The following RHOT1 variants were observed in gnomAD, a reference collection of about 807,000 sequenced individuals.
RHOT1 encodes the protein ras homolog family member T1, also known as mitochondrial Rho GTPase 1.
Under a neutral mutation model 95.3 loss-of-function variants are expected in RHOT1, and 27 were observed. That is an observed-to-expected ratio of 0.28 (90% CI 0.21 to 0.39). The LOEUF (loss-of-function observed/expected upper bound fraction) is 0.39. Ranked by LOEUF, RHOT1 falls within the 10% of genes least tolerant of loss-of-function variation. The probability of loss-of-function intolerance (pLI) is 1.00; values close to 1 mark genes in which losing one functional copy is unlikely to be tolerated. For synonymous variants in RHOT1, 227 were observed against 263.5 expected, an observed-to-expected ratio of 0.86 and a Z score of 1.34; for missense variants, 578 against 786.7, an observed-to-expected ratio of 0.73 and a Z score of 3.17.
Position 32,224,788 on chromosome 17 carries a change from A to G in RHOT1, c.*55A>G. The G allele has an allele frequency of 9.6e-7, 1 of 1,045,288 alleles. No individual in the cohort carries two copies. Among genetic ancestry groups the G allele is most frequent in the South Asian group, 1.4e-5 (1 of 69,334 alleles). 64.8% of individuals were successfully genotyped at this position (1,045,288 alleles called of 1,614,324 possible). On this transcript the variant is annotated 3_prime_UTR_variant, in exon 20 of 20. Coordinates refer to ENST00000545287, the MANE Select transcript of RHOT1 (RefSeq NM_001033566.3). The stretch of plus-strand genomic sequence containing the variant: ...ACAAATACTTTTATGTACATTCTGA[A>G]TGCTTTAAGTTCTGCTAGAATTATT...
At chr17:32,197,632 G>A (rs2036998962) in intron 11 of RHOT1, among the ~76,000 whole-genome samples, 1 of 151,986 alleles carries the variant, frequency 6.6e-6, no homozygotes, top group African/African-American at 2.4e-5. Context: ...GTTTCACCGT[G>A]TTGTCCAGGA....
chr17:32,186,280 G>T (rs1458979669), intron 8 of RHOT1, among the ~76,000 whole-genome samples: 1 of 151,952 alleles, frequency 6.6e-6, no homozygotes, highest in East Asian at 1.9e-4. Flanking sequence ...TTCCCTGATG[G>T]CTAATGATGT....
intron 14 of RHOT1, among the ~76,000 whole-genome samples, 198 bp downstream of exon 14, chr17:32,201,254 CTT>C (rs1462391651): frequency 6.6e-6 from 1 of 152,154 alleles, no homozygotes; most frequent in African/African-American, 2.4e-5. Flanking sequence ...AAAGTAGAGA[CTT>C]TGCTTCAAGT....
At position 32,173,820 on chromosome 17, in the gene RHOT1, T is replaced by G; in HGVS notation, c.97-11T>G. On this transcript the variant is annotated splice_polypyrimidine_tract_variant and intron_variant, in intron 2 of 19. Transcript: ENST00000545287. ...GTGTTTTTTTTTTTCTATATTTGTT[T>G]GTAAATGAAGGTTCCTCCCCGGGCA... The G allele has an allele frequency of 6.3e-7, 1 of 1,584,052 alleles. No individual in the cohort carries two copies. Among genetic ancestry groups the G allele is most frequent in the Admixed American group, 1.8e-5 (1 of 55,688 alleles).
intron 1 of RHOT1, among the ~76,000 whole-genome samples, chr17:32,162,230 C>T (rs1007451312): frequency 6.6e-6 from 1 of 152,128 alleles, no homozygotes; most frequent in Non-Finnish European, 1.5e-5. Flanking sequence ...CTCCTCCCCA[C>T]GTGAGTCACC....
At chr17:32,146,757 CTAT>C (rs1426571204) in intron 1 of RHOT1, among the ~76,000 whole-genome samples, 1 of 137,992 alleles carries the variant, frequency 7.2e-6, no homozygotes, top group South Asian at 2.3e-4. Flanking sequence ...CGCGCCCGGC[CTAT>C]TATTATTTTT....
Position 32,176,171 on chromosome 17 carries a change from G to A in RHOT1, c.287G>A (p.Arg96Gln). Residue 96 changes from arginine (R) to glutamine (Q), a missense_variant, in exon 6 of 20, where the codon CGA becomes CAA. Coordinates refer to ENST00000545287, the MANE Select transcript of RHOT1 (RefSeq NM_001033566.3). ...TAATTTTCATTTTAGGTAACAAGTC[G>A]ATGGATTCCTCTCATAAATGAAAGA... Reference protein sequence around the residue: ...NKHSIDKVTSRWIPLINERTD... With the variant: ...NKHSIDKVTSQWIPLINERTD... 4 of 1,611,494 alleles carry A rather than the reference G, an allele frequency of 2.5e-6. No homozygotes were observed. Among genetic ancestry groups the A allele is most frequent in the East Asian group, 2.2e-5 (1 of 44,794 alleles).
intron 1 of RHOT1, among the ~76,000 whole-genome samples, chr17:32,144,143 A>C (rs183748130): frequency 1.3e-5 from 2 of 152,204 alleles, no homozygotes; most frequent in Admixed American, 6.5e-5. Flanking sequence ...CAAGGTAGGG[A>C]AAGTGAGTAG....
intron 1 of RHOT1, among the ~76,000 whole-genome samples, chr17:32,149,635 A>ATATATATGTGTGTGTGTG (rs1445281403): frequency 1.2e-4 from 7 of 59,094 alleles, no homozygotes; most frequent in Admixed American, 2.2e-4. Context: ...ATATATATAT[A>ATATATATGTGTGTGTGTG]TGTGTGTGTG....
chr17:32,162,558 G>T lies in RHOT1; in HGVS notation c.38-8485G>T, dbSNP rs189981407. Among the ~76,000 whole-genome samples the T allele has an allele frequency of 3.9e-5, 6 of 152,276 alleles. No individual in the cohort carries two copies. The East Asian group carries it at 1.2e-3, about 29-fold the overall frequency. On this transcript the variant is annotated intron_variant, in intron 1 of 19. Coordinates refer to ENST00000545287, the MANE Select transcript of RHOT1 (RefSeq NM_001033566.3). ...ATGCTAGTTCCAGAATCTCCAGGAG[G>T]TGGGACCAGTTTCGTTAGTGGTGAT...
intron 1 of RHOT1, among the ~76,000 whole-genome samples, chr17:32,169,766 G>A (rs578034595): frequency 3.3e-5 from 5 of 152,272 alleles, no homozygotes; most frequent in Admixed American, 1.3e-4. Context: ...AGCACTTTGC[G>A]AAGCTGAGGC....
At chr17:32,174,512 T>C (rs1429704484) in intron 3 of RHOT1, among the ~76,000 whole-genome samples, 1 of 152,224 alleles carries the variant, frequency 6.6e-6, no homozygotes, top group African/African-American at 2.4e-5. Context: ...TGTGTAGCCA[T>C]ATAATTAGAT....
chr17:32,162,200 C>T (rs2033628566), intron 1 of RHOT1, among the ~76,000 whole-genome samples: 1 of 152,102 alleles, frequency 6.6e-6, no homozygotes, highest in Admixed American at 6.6e-5. Flanking sequence ...TCCCATCCTG[C>T]TAGCATGCTC....
chr17:32,208,041 C>T, intron 17 of RHOT1, 66 bp from the exon 18 acceptor site: 1 of 1,420,332 alleles, frequency 7.0e-7, no homozygotes, highest in East Asian at 2.3e-5. Context: ...ATGCTTGGTT[C>T]ACATTTAATT....
At chr17:32,153,488 A>G (rs776755514) in intron 1 of RHOT1, among the ~76,000 whole-genome samples, 10 of 152,170 alleles carry the variant, frequency 6.6e-5, no homozygotes, top group African/African-American at 2.2e-4. Flanking sequence ...ATGAGAACCT[A>G]TCTGTACAAA....
At chr17:32,142,946 T>G (rs1026485243) in intron 1 of RHOT1, 12 of 715,768 alleles carry the variant, frequency 1.7e-5, no homozygotes, top group Non-Finnish European at 2.3e-5. Context: ...TCACCTCACC[T>G]GGGCCCTCCA....
chr17:32,202,659 C>A (rs2037408279), intron 14 of RHOT1, 111 bp from the exon 15 acceptor site: 2 of 720,740 alleles, frequency 2.8e-6, no homozygotes, highest in Non-Finnish European at 4.4e-6. Context: ...AGATCAGCTA[C>A]TTCATAAAAA....
chr17:32,194,871 C>T (rs2036756455), intron 11 of RHOT1, among the ~76,000 whole-genome samples: 1 of 149,446 alleles, frequency 6.7e-6, no homozygotes, highest in Non-Finnish European at 1.5e-5. Flanking sequence ...CTCTGTCACC[C>T]AGGCTGGAGT....
intron 1 of RHOT1, 93 bp downstream of exon 1, chr17:32,142,822 T>TA (rs1567641309): frequency 9.8e-6 from 11 of 1,119,372 alleles, no homozygotes; most frequent in Non-Finnish European, 1.3e-5. Flanking sequence ...CCCCAACCTT[T>TA]GCAGCCCCGG....
Sources: gnomAD v4.1 joint callset for allele counts (sites outside exome capture counted in the v4.1 genomes callset) on GRCh38, gnomAD v4.1.1 for gene constraint, MANE v1.5 for transcripts, NCBI Gene and HGNC (gene_info 2026-07-23, HGNC 2026-07-21) for gene names.